CNNM3: variants seen among roughly 807,000 people sequenced by gnomAD.
The protein encoded by CNNM3 is cyclin and CBS domain divalent metal cation transport mediator 3.
CNNM3 carries 47 observed loss-of-function variants against 57.1 expected under a neutral mutation model. The ratio of observed to expected loss-of-function variants is 0.82; its 90% CI spans 0.65 to 1.05. The LOEUF (loss-of-function observed/expected upper bound fraction) is 1.05, where lower values mean the gene tolerates loss of function less well. Among genes scored for constraint, CNNM3 ranks in the 50% least tolerant of loss-of-function variants. The probability of loss-of-function intolerance (pLI) is 0.00; values close to 1 mark genes in which losing one functional copy is unlikely to be tolerated. For missense variants in CNNM3, 957 were observed against 973.7 expected (o/e 0.98, Z 0.23); for synonymous variants, 507 against 478.2 (o/e 1.06, Z -0.79).
In CNNM3 at chr2:96,827,721, C is replaced by T. The variant is rs779520248; in HGVS notation, c.1520-10C>T. 1 of 1,605,352 alleles carries T rather than the reference C, an allele frequency of 6.2e-7. No individual in the cohort carries two copies. The highest frequency in any genetic ancestry group is 1.1e-5 in the South Asian group (1 of 90,664). ...CAGTGGACACTGTCCCTTTTTTCCA[C>T]CACGTGCAGAAGTGGATGTATTCAG... is the stretch of plus-strand genomic sequence containing the variant. On this transcript the variant is annotated splice_polypyrimidine_tract_variant and intron_variant, in intron 3 of 7. Coordinates refer to ENST00000305510, the MANE Select transcript of CNNM3 (RefSeq NM_017623.5).
At chr2:96,822,054 G>C (rs576572679) in intron 1 of CNNM3, among the ~76,000 whole-genome samples, 1 of 150,332 alleles carries the variant, frequency 6.7e-6, no homozygotes, top group African/African-American at 2.4e-5. Context: ...CCAGGCTGGA[G>C]TGCAGTGGCA....
intron 6 of CNNM3, 73 bp from the exon 7 acceptor site, chr2:96,828,923 G>C (rs555377174): frequency 6.3e-7 from 1 of 1,589,650 alleles, no homozygotes; most frequent in African/African-American, 1.3e-5. Context: ...CTTCGGGCAC[G>C]GTGTCACCTT....
chr2:96,823,854 C>G (rs530286924), intron 1 of CNNM3, among the ~76,000 whole-genome samples: 1 of 152,282 alleles, frequency 6.6e-6, no homozygotes, highest in East Asian at 1.9e-4. Flanking sequence ...AGGCCGGCAG[C>G]CCCCTCCACC....
At chr2:96,825,225 C>T (rs2079480183) in intron 2 of CNNM3, 24 bp downstream of exon 2, 1 of 1,612,658 alleles carries the variant, frequency 6.2e-7, no homozygotes, top group Admixed American at 1.7e-5. Flanking sequence ...CTTGGCAGTT[C>T]TGTCTCCGCT....
Position 96,826,886 on chromosome 2 carries a change from AAGG to A in CNNM3, c.1429_1431del (p.Glu477del). The A allele has an allele frequency of 1.2e-6, 2 of 1,614,190 alleles. No homozygotes were observed. Among genetic ancestry groups the A allele is most frequent in the South Asian group, 1.1e-5 (1 of 91,082 alleles). On this transcript the variant is annotated inframe_deletion, in exon 3 of 8. Coordinates refer to ENST00000305510, the MANE Select transcript of CNNM3 (RefSeq NM_017623.5). ...TTCTCTGATGGCCCCTCTGAAGCGG[AAGG>A]AGGAGTTCTCCTTGTTCAAGGTGTC... is the stretch of plus-strand genomic sequence containing the variant.
chr2:96,836,229 C>G (rs1402775559), downstream of CNNM3, among the ~76,000 whole-genome samples: 1 of 150,062 alleles, frequency 6.7e-6, no homozygotes, highest in Non-Finnish European at 1.5e-5. Flanking sequence ...ACTATCACCA[C>G]ACCCAGCTAA....
At position 96,825,213 on chromosome 2, in the gene CNNM3, C is replaced by T. The variant is rs1272791310; in HGVS notation, c.1369+12C>T. 1.9e-6 allele frequency: 3 copies of T among 1,613,692 alleles called. No individual in the cohort carries two copies. The highest frequency in any genetic ancestry group is 1.1e-5 in the South Asian group (1 of 91,064). ...GTCTGAAGACTACCGTGAGTCCAGACTCTTGGCAGTTCTGTCTCCGCTGGG... is the reference window on the plus strand; with the variant it reads ...GTCTGAAGACTACCGTGAGTCCAGATTCTTGGCAGTTCTGTCTCCGCTGGG... On this transcript the variant is annotated intron_variant, in intron 2 of 7. Coordinates refer to ENST00000305510, the MANE Select transcript of CNNM3 (RefSeq NM_017623.5).
Position 96,828,709 on chromosome 2 carries a change from C to T in CNNM3, c.1920+9C>T, listed in dbSNP as rs529615631. 11 of 1,614,090 alleles carry T rather than the reference C, an allele frequency of 6.8e-6. No homozygotes were observed. The highest frequency in any genetic ancestry group is 9.3e-6 in the Non-Finnish European group (11 of 1,179,982). ...ATCTGCAGCTCATCAAGGTGACTGC[C>T]TGGGCTGCTTGTGGGTGCTGGCTTT... is the stretch of plus-strand genomic sequence containing the variant. On this transcript the variant is annotated intron_variant, in intron 6 of 7. Transcript: ENST00000305510.
chr2:96,816,744 T>C lies in CNNM3; in HGVS notation c.467T>C (p.Leu156Pro). ...ALAALARGLQ[L>P]SALALAPAEV... ...GCAGCGCTGGCGCGAGGCCTGCAGCTGAGCGCGCTGGCGCTGGCGCCTGCC... is the reference window on the plus strand; with the variant it reads ...GCAGCGCTGGCGCGAGGCCTGCAGCCGAGCGCGCTGGCGCTGGCGCCTGCC... Residue 156 changes from leucine to proline, a missense_variant, in exon 1 of 8, where the codon CTG becomes CCG. Leu to Pro is a moderately conservative substitution (Grantham distance 98, BLOSUM62 -3). Transcript: ENST00000305510. 4.9e-6 allele frequency: 5 copies of C among 1,015,278 alleles called. No homozygotes were observed. The highest frequency in any genetic ancestry group is 5.9e-6 in the Non-Finnish European group (5 of 851,732). The allele number at this position is 1,015,278 out of a possible 1,614,324, so 62.9% of individuals were successfully genotyped here. A position where few individuals can be genotyped will look rare whatever the true frequency, so the allele number is the denominator to read the frequency against.
chr2:96,833,005 C>A lies in CNNM3; in HGVS notation c.*389C>A, dbSNP rs540278697. 7.6e-7 allele frequency: 1 copy of A among 1,323,896 alleles called. No individual in the cohort carries two copies. The highest frequency in any genetic ancestry group is 2.2e-5 in the Admixed American group (1 of 44,504). 82.0% of individuals were successfully genotyped at this position (1,323,896 alleles called of 1,614,324 possible). ...AGTGCAGTTACTGCCTTTGTGTGGC[C>A]GTGACCTCTATTTGTTTGCTTTTAA... On this transcript the variant is annotated 3_prime_UTR_variant, in exon 8 of 8. Transcript: ENST00000305510.
chr2:96,827,830 A>G lies in CNNM3; in HGVS notation c.1619A>G (p.Asn540Ser), dbSNP rs940428248. ...VNQEVRFDES[N>S]RLATHHYLYQ... The stretch of plus-strand genomic sequence containing the variant: ...CAGGAAGTGAGGTTTGACGAGAGCA[A>G]CCGGCTGGCCACACACCACTACCTG... Residue 540 changes from asparagine to serine, a missense_variant, in exon 4 of 8, where the codon AAC becomes AGC. Physicochemically the swap from Asn to Ser is conservative, Grantham distance 46 (BLOSUM62 1). Transcript: ENST00000305510. The G allele has an allele frequency of 1.4e-5, 22 of 1,614,114 alleles. No homozygotes were observed. The highest frequency in any genetic ancestry group is 1.6e-4 in the Middle Eastern group (1 of 6,062).
At chr2:96,829,222 C>T (rs989172527) in intron 7 of CNNM3, 88 bp downstream of exon 7, 13 of 1,442,500 alleles carry the variant, frequency 9.0e-6, no homozygotes, top group East Asian at 2.5e-5. Flanking sequence ...GCCGCCCCCC[C>T]ACCCTCTGTC....
intron 2 of CNNM3, among the ~76,000 whole-genome samples, chr2:96,826,578 A>G (rs758451773): frequency 1.2e-4 from 18 of 152,208 alleles, no homozygotes; most frequent in Non-Finnish European, 1.9e-4. Context: ...ATTTTATACA[A>G]GCTGCTTTGT....
Position 96,827,049 on chromosome 2 carries a change from G to T in CNNM3, c.1519+67G>T, listed in dbSNP as rs187713837. 4.3e-4 allele frequency: 669 copies of T among 1,551,656 alleles called. 3 individuals are homozygous for T. In the African/African-American group the frequency reaches 8.2e-3, roughly 19 times the overall value. ...GTTCTGTGGGTCAGGAGGCCGCCCA[G>T]GGCCGACACTGACTCTGCTCCCCAC... On this transcript the variant is annotated intron_variant, in intron 3 of 7. Coordinates refer to ENST00000305510, the MANE Select transcript of CNNM3 (RefSeq NM_017623.5).
In CNNM3 at chr2:96,835,044, G is replaced by GTAAC. The variant is rs1384199309; in HGVS notation, c.*2431_*2434dup. On this transcript the variant is annotated 3_prime_UTR_variant, in exon 8 of 8. Transcript: ENST00000305510. ...AATCATTTGTCACATGTACATCTGT[G>GTAAC]TAACTACCACTGCAATCAGGATAAA... Among the ~76,000 whole-genome samples the GTAAC allele has an allele frequency of 6.6e-6, 1 of 152,130 alleles. No homozygotes were observed. The highest frequency in any genetic ancestry group is 1.9e-4 in the East Asian group (1 of 5,196).
intron 1 of CNNM3, among the ~76,000 whole-genome samples, chr2:96,818,576 G>C (rs771768231): frequency 7.2e-5 from 11 of 152,058 alleles, no homozygotes; most frequent in Non-Finnish European, 1.3e-4. Context: ...TAACCCTAAG[G>C]TCTCAAGTTC....
intron 1 of CNNM3, among the ~76,000 whole-genome samples, chr2:96,822,348 A>C (rs930314189): frequency 6.6e-6 from 1 of 151,554 alleles, no homozygotes; most frequent in African/African-American, 2.4e-5. Flanking sequence ...TTGCTCTGTC[A>C]CCTGGGTTGG....
intron 7 of CNNM3, 103 bp from the exon 8 acceptor site, chr2:96,832,449 T>C: frequency 6.5e-7 from 1 of 1,550,004 alleles, no homozygotes. Flanking sequence ...CCGAAGCACC[T>C]GTCTTAGCTG....
rs147657479 is a variant in CNNM3, at chr2:96,821,189, C to T, written c.1225+3687C>T. ...TGGCCATGTCTTTCTGGTGACATCC[C>T]GGAGCTTTTTTCTCTGCTTCTCTAG... is the stretch of plus-strand genomic sequence containing the variant. On this transcript the variant is annotated intron_variant, in intron 1 of 7. Coordinates refer to ENST00000305510, the MANE Select transcript of CNNM3 (RefSeq NM_017623.5). Among the ~76,000 whole-genome samples, 409 of 152,238 alleles carry T rather than the reference C, an allele frequency of 2.7e-3. 2 individuals are homozygous for T. Among genetic ancestry groups the T allele is most frequent in the South Asian group, 0.024 (115 of 4,804 alleles).
Sources: allele counts gnomAD v4.1 joint callset (sites outside exome capture counted in the v4.1 genomes callset), GRCh38; gene constraint gnomAD v4.1.1; transcripts MANE v1.5; gene names NCBI Gene and HGNC (gene_info 2026-07-23, HGNC 2026-07-21).